Variants in CDH17 observed in about 807,000 individuals in gnomAD.
CDH17 encodes the protein cadherin-17.
A neutral mutation model predicts 86.3 loss-of-function variants in CDH17; 67 were observed. The ratio of observed to expected loss-of-function variants is 0.78; its 90% CI spans 0.64 to 0.95. The LOEUF (loss-of-function observed/expected upper bound fraction) is 0.95. Ranked by LOEUF, CDH17 falls within the 40% of genes least tolerant of loss-of-function variation. The pLI is 0.00. For missense variants in CDH17, 993 were observed against 1,017.6 expected (o/e 0.98, Z 0.33); for synonymous variants, 367 against 366.4 (o/e 1.00, Z -0.02).
At chr8:94,157,135 G>A (rs11777523) in intron 12 of CDH17, among the ~76,000 whole-genome samples, 11,990 of 152,246 alleles carry the variant, frequency 0.079, 642 homozygotes, top group Non-Finnish European at 0.12. Context: ...TAGTTGCCAC[G>A]TATGAGTCCC....
At chr8:94,175,441 A>G (rs1041190404) in intron 5 of CDH17, among the ~76,000 whole-genome samples, 6 of 152,198 alleles carry the variant, frequency 3.9e-5, no homozygotes, top group African/African-American at 1.4e-4. Context: ...AAGAAAGAGA[A>G]GGAAGAAGCT....
chr8:94,157,315 A>C (rs1270273598), intron 12 of CDH17, among the ~76,000 whole-genome samples: 3 of 152,228 alleles, frequency 2.0e-5, no homozygotes, highest in Non-Finnish European at 4.4e-5. Context: ...AGCCATACAT[A>C]AAAAACCAAA....
intron 15 of CDH17, among the ~76,000 whole-genome samples, chr8:94,139,378 G>C (rs1812592317): frequency 6.6e-6 from 1 of 152,122 alleles, no homozygotes; most frequent in African/African-American, 2.4e-5. Context: ...AGCCAAGAAA[G>C]ATAGTGGAGA....
intron 15 of CDH17, among the ~76,000 whole-genome samples, chr8:94,137,238 C>G (rs1221130633): frequency 6.6e-6 from 1 of 152,226 alleles, no homozygotes; most frequent in Admixed American, 6.5e-5. Context: ...CAGCTATGCC[C>G]TGTCCATAGA....
intron 14 of CDH17, among the ~76,000 whole-genome samples, chr8:94,146,841 T>C (rs1812753799): frequency 6.6e-6 from 1 of 152,208 alleles, no homozygotes; most frequent in East Asian, 1.9e-4. Flanking sequence ...ACTGTTATCA[T>C]GTCCTCCTCA....
intron 14 of CDH17, 31 bp downstream of exon 14, chr8:94,148,710 CCTT>C: frequency 6.9e-7 from 1 of 1,442,644 alleles, no homozygotes; most frequent in South Asian, 1.4e-5. Context: ...AATCTGTGTT[CCTT>C]TTTTTTTGTT....
At position 94,128,282 on chromosome 8, in the gene CDH17, A is replaced by G. The variant is rs1812340286; in HGVS notation, c.2457T>C (p.Val819=). Residue 819 remains valine, a synonymous_variant, in exon 18 of 18, where the codon GTT becomes GTC. Transcript: ENST00000027335. ...TGACTTCAGATGCTTGAGCACTTTC[A>G]ACATTATCTTTGCCTTTATCCTTCT... ...RIKKDKGKDN[V]ESAQASEVKP... The G allele has an allele frequency of 2.5e-6, 4 of 1,613,772 alleles. No individual in the cohort carries two copies. Among genetic ancestry groups the G allele is most frequent in the Non-Finnish European group, 3.4e-6 (4 of 1,179,840 alleles).
chr8:94,214,358 C>T (rs942201379), intron 1 of CDH17, among the ~76,000 whole-genome samples: 3 of 152,134 alleles, frequency 2.0e-5, no homozygotes, highest in African/African-American at 7.2e-5. Flanking sequence ...TCATTAGACA[C>T]CAAAACAGGA....
intron 17 of CDH17, among the ~76,000 whole-genome samples, chr8:94,129,661 G>T (rs555800127): frequency 5.3e-5 from 8 of 152,184 alleles, no homozygotes; most frequent in Admixed American, 5.2e-4. Flanking sequence ...TTGTGGTGGG[G>T]ACAACAGTTG....
chr8:94,176,484 C>A (rs1229030143), intron 5 of CDH17, 57 bp downstream of exon 5: 1 of 1,591,956 alleles, frequency 6.3e-7, no homozygotes, highest in African/African-American at 1.3e-5. Flanking sequence ...CAAGTCTGCC[C>A]CTTCCACCTG....
intron 3 of CDH17, among the ~76,000 whole-genome samples, chr8:94,180,037 T>A (rs917366341): frequency 3.3e-5 from 5 of 152,036 alleles, no homozygotes; most frequent in Non-Finnish European, 5.9e-5. Flanking sequence ...CTAAAGGAAA[T>A]CATCTCTAAA....
At chr8:94,160,410 TC>T (rs925059976) in intron 11 of CDH17, among the ~76,000 whole-genome samples, 1 of 152,056 alleles carries the variant, frequency 6.6e-6, no homozygotes, top group African/African-American at 2.4e-5. Flanking sequence ...TAAAACAAAT[TC>T]CCCCTCCCAT....
chr8:94,180,136 GGAT>G (rs1813450549), intron 3 of CDH17, among the ~76,000 whole-genome samples: 1 of 151,884 alleles, frequency 6.6e-6, no homozygotes, highest in South Asian at 2.1e-4. Flanking sequence ...CAGTTGACAA[GGAT>G]GATAACTGAA....
intron 1 of CDH17, among the ~76,000 whole-genome samples, chr8:94,204,564 G>T (rs1290958523): frequency 6.6e-6 from 1 of 152,152 alleles, no homozygotes; most frequent in Non-Finnish European, 1.5e-5. Context: ...CATTTTGGTT[G>T]GCTCCAAGTC....
At chr8:94,154,564 T>G (rs78966838) in intron 12 of CDH17, among the ~76,000 whole-genome samples, 3,442 of 152,170 alleles carry the variant, frequency 0.023, 125 homozygotes, top group African/African-American at 0.079. Context: ...GGAATGAACA[T>G]CAAGAAACCA....
intron 13 of CDH17, among the ~76,000 whole-genome samples, chr8:94,151,029 G>A (rs1812845918): frequency 6.6e-6 from 1 of 152,200 alleles, no homozygotes; most frequent in African/African-American, 2.4e-5. Context: ...TGGGAGGCAA[G>A]ACTCCCTCCA....
At chr8:94,213,526 G>C (rs149500119), upstream of CDH17, among the ~76,000 whole-genome samples, 19 of 152,210 alleles carry the variant, frequency 1.2e-4, no homozygotes, top group Non-Finnish European at 2.4e-4. Context: ...TTTTTTCTCA[G>C]ACAGCTAAGC....
At chr8:94,207,058 C>A (rs1216458907) in intron 1 of CDH17, among the ~76,000 whole-genome samples, 1 of 152,126 alleles carries the variant, frequency 6.6e-6, no homozygotes, top group African/African-American at 2.4e-5. Context: ...GATGCCCCAC[C>A]TGCACCTCAC....
At chr8:94,206,434 C>T (rs949259380) in intron 1 of CDH17, among the ~76,000 whole-genome samples, 3 of 152,168 alleles carry the variant, frequency 2.0e-5, no homozygotes, top group African/African-American at 4.8e-5. Flanking sequence ...CAAATCTATA[C>T]ATCTCTACCC....
Sources: gnomAD v4.1 joint callset for allele counts (sites outside exome capture counted in the v4.1 genomes callset) on GRCh38, gnomAD v4.1.1 for gene constraint, MANE v1.5 for transcripts, NCBI Gene and HGNC (gene_info 2026-07-23, HGNC 2026-07-21) for gene names.